The following DLGAP2 variants were observed in gnomAD, a reference collection of about 807,000 sequenced individuals.
DLGAP2 encodes the protein DLG associated protein 2.
A neutral mutation model predicts 100.3 loss-of-function variants in DLGAP2; 26 were observed. That is an observed-to-expected ratio of 0.26 (90% CI 0.19 to 0.36). The LOEUF (loss-of-function observed/expected upper bound fraction) is 0.36, where lower values mean the gene tolerates loss of function less well. Ranked by LOEUF, DLGAP2 falls within the 10% of genes least tolerant of loss-of-function variation. The pLI, the probability that DLGAP2 is intolerant of heterozygous loss-of-function variation, is 1.00. For synonymous variants in DLGAP2, 886 were observed against 630.1 expected, an observed-to-expected ratio of 1.41 and a Z score of -6.08; for missense variants, 1,858 against 1,453.2, an observed-to-expected ratio of 1.28 and a Z score of -4.53.
chr8:1,301,084 C>G (rs889379562), intron 3 of DLGAP2: 3 of 152,400 alleles, frequency 2.0e-5, no homozygotes, highest in African/African-American at 7.2e-5. Flanking sequence ...ACTGTCTGCC[C>G]CCCGCCCTCT....
At position 1,152,329 on chromosome 8, in the gene DLGAP2, G is replaced by C. The variant is rs564672512; in HGVS notation, c.74-106522G>C. On this transcript the variant is annotated intron_variant, in intron 2 of 14. Transcript: ENST00000637795. ...TTTAACATATGTAAATTGTGAGGTA[G>C]TGTTAAATTTCCCGCTAGAACTACC... 7.9e-5 allele frequency among the ~76,000 whole-genome samples: 12 copies of C among 152,324 alleles called. No homozygotes were observed. The East Asian group carries it at 2.3e-3, about 29-fold the overall frequency.
chr8:1,637,017 G>T (rs554704833), intron 8 of DLGAP2, among the ~76,000 whole-genome samples: 1 of 152,240 alleles, frequency 6.6e-6, no homozygotes, highest in Admixed American at 6.5e-5. Flanking sequence ...CCCCAGGTTG[G>T]AGGGAGGAGG....
intron 4 of DLGAP2, among the ~76,000 whole-genome samples, chr8:1,535,081 C>A (rs981784781): frequency 1.2e-4 from 19 of 152,338 alleles, no homozygotes; most frequent in Admixed American, 9.8e-4. Context: ...TTCTGTAGGG[C>A]AAGGTCCTGT....
chr8:1,595,045 C>G (rs909360466), intron 6 of DLGAP2, among the ~76,000 whole-genome samples: 1 of 151,268 alleles, frequency 6.6e-6, no homozygotes, highest in African/African-American at 2.4e-5. Context: ...CTTTTTTTTT[C>G]TTTTTTTCTT....
chr8:1,424,367 C>G (rs1324397654), intron 3 of DLGAP2, among the ~76,000 whole-genome samples: 1 of 152,196 alleles, frequency 6.6e-6, no homozygotes, highest in Non-Finnish European at 1.5e-5. Context: ...ACACATTTTT[C>G]TCATTTTTCT....
chr8:936,972 G>T (rs1170658450), intron 2 of DLGAP2, among the ~76,000 whole-genome samples: 1 of 152,182 alleles, frequency 6.6e-6, no homozygotes, highest in Non-Finnish European at 1.5e-5. Context: ...AAAGGCCTAG[G>T]CTTATGTGTG....
At chr8:1,276,485 C>T (rs1367463619) in intron 3 of DLGAP2, among the ~76,000 whole-genome samples, 1 of 152,142 alleles carries the variant, frequency 6.6e-6, no homozygotes, top group Non-Finnish European at 1.5e-5. Context: ...GCTGAGGCGG[C>T]ATCTTCACTT....
chr8:1,071,334 C>T (rs1343368245), intron 2 of DLGAP2, among the ~76,000 whole-genome samples: 2 of 152,208 alleles, frequency 1.3e-5, no homozygotes, highest in African/African-American at 4.8e-5. Flanking sequence ...ACTTCGGCCG[C>T]CTCCACGGTG....
intron 3 of DLGAP2, among the ~76,000 whole-genome samples, chr8:1,434,029 G>C (rs1034854928): frequency 3.9e-5 from 6 of 152,144 alleles, no homozygotes; most frequent in Non-Finnish European, 4.4e-5. Flanking sequence ...TCCATGCCCT[G>C]CAAGAAAGTG....
At chr8:1,636,497 A>G (rs1797769679) in intron 8 of DLGAP2, among the ~76,000 whole-genome samples, 1 of 152,226 alleles carries the variant, frequency 6.6e-6, no homozygotes, top group East Asian at 1.9e-4. Flanking sequence ...GAGGTAGAAT[A>G]ACTGTTTTTC....
intron 3 of DLGAP2, among the ~76,000 whole-genome samples, chr8:1,264,524 C>A (rs1324657622): frequency 6.6e-6 from 1 of 152,056 alleles, no homozygotes; most frequent in Non-Finnish European, 1.5e-5. Context: ...ATTTATACTA[C>A]CTGTATGTTG....
chr8:1,231,007 T>A (rs1269328810), intron 2 of DLGAP2, among the ~76,000 whole-genome samples: 1 of 152,162 alleles, frequency 6.6e-6, no homozygotes, highest in Non-Finnish European at 1.5e-5. Context: ...AATTGACAAG[T>A]GGGACCTAAT....
chr8:1,160,806 T>C (rs536094619), intron 2 of DLGAP2, among the ~76,000 whole-genome samples: 2 of 152,322 alleles, frequency 1.3e-5, no homozygotes, highest in African/African-American at 4.8e-5. Context: ...GGGATGGTTT[T>C]TTCACCACCT....
chr8:1,041,474 C>T (rs1030212612), intron 2 of DLGAP2, among the ~76,000 whole-genome samples: 2 of 152,190 alleles, frequency 1.3e-5, no homozygotes, highest in Non-Finnish European at 2.9e-5. Context: ...TTTCTCCTTT[C>T]CTGTATTTCT....
intron 2 of DLGAP2, among the ~76,000 whole-genome samples, chr8:1,080,575 G>A (rs1466492858): frequency 2.0e-5 from 3 of 152,180 alleles, no homozygotes; most frequent in East Asian, 1.9e-4. Flanking sequence ...TGGGAAAGCT[G>A]CAGGGACACA....
rs182599421 is a variant in DLGAP2, at chr8:848,279, T to C, written c.19-59633T>C. The stretch of plus-strand genomic sequence containing the variant: ...TATTCCAGTATAGGATCGTGTGGTG[T>C]GTGTTCCAATATAGAAACGTGCGGT... On this transcript the variant is annotated intron_variant, in intron 1 of 14. Coordinates refer to ENST00000637795, the MANE Select transcript of DLGAP2 (RefSeq NM_001346810.2). Among the ~76,000 whole-genome samples, 321 of 151,562 alleles carry C rather than the reference T, an allele frequency of 2.1e-3. 2 individuals are homozygous for C. The South Asian group carries it at 0.023, about 11-fold the overall frequency.
At chr8:1,586,965 A>T (rs1198736066) in intron 6 of DLGAP2, among the ~76,000 whole-genome samples, 1 of 152,060 alleles carries the variant, frequency 6.6e-6, no homozygotes, top group Admixed American at 6.6e-5. Flanking sequence ...AGGTCTTCCA[A>T]ATTGCTTTTT....
At chr8:1,156,681 C>T (rs1044278367) in intron 2 of DLGAP2, among the ~76,000 whole-genome samples, 4 of 109,318 alleles carry the variant, frequency 3.7e-5, no homozygotes, top group African/African-American at 1.4e-4. Flanking sequence ...GCGTCCCAGC[C>T]CAGCACCCCA....
chr8:1,430,361 G>T (rs533684204), intron 3 of DLGAP2, among the ~76,000 whole-genome samples: 1 of 152,032 alleles, frequency 6.6e-6, no homozygotes, highest in Non-Finnish European at 1.5e-5. Context: ...CCACATTTAC[G>T]TTGCATTGCG....
Sources: allele counts gnomAD v4.1 joint callset (sites outside exome capture counted in the v4.1 genomes callset), GRCh38; gene constraint gnomAD v4.1.1; transcripts MANE v1.5; gene names NCBI Gene and HGNC (gene_info 2026-07-23, HGNC 2026-07-21).